The following TBKBP1 variants were observed in gnomAD, a reference collection of about 807,000 sequenced individuals.
TBKBP1 encodes TBK1 binding protein 1.
A neutral mutation model predicts 69.9 loss-of-function variants in TBKBP1; 47 were observed. The observed-to-expected ratio is 0.67, with a 90% confidence interval of 0.53 to 0.86. The LOEUF (loss-of-function observed/expected upper bound fraction) is 0.86, where lower values mean the gene tolerates loss of function less well. Ranked by LOEUF, TBKBP1 falls within the 40% of genes least tolerant of loss-of-function variation. The probability of loss-of-function intolerance (pLI) is 0.00; values close to 1 mark genes in which losing one functional copy is unlikely to be tolerated. For synonymous variants in TBKBP1, 418 were observed against 390.3 expected, an observed-to-expected ratio of 1.07 and a Z score of -0.84; for missense variants, 831 against 858.6, an observed-to-expected ratio of 0.97 and a Z score of 0.40.
intron 7 of TBKBP1, among the ~76,000 whole-genome samples, chr17:47,707,869 C>T (rs144478302): frequency 4.3e-4 from 66 of 152,322 alleles, no homozygotes; most frequent in African/African-American, 1.5e-3. Context: ...GGGTCCCCAA[C>T]CTTTTCAAAG....
At chr17:47,699,181 T>C in intron 5 of TBKBP1, 139 bp from the exon 6 acceptor site, 1 of 947,624 alleles carries the variant, frequency 1.1e-6, no homozygotes, top group Non-Finnish European at 1.4e-6. Context: ...CTCGCTGCCC[T>C]TGTCGCAGTC....
Position 47,708,564 on chromosome 17 carries a change from G to A in TBKBP1, c.991+52G>A, listed in dbSNP as rs2031780835. On this transcript the variant is annotated intron_variant, in intron 8 of 9. Transcript: ENST00000578982. The surrounding 1 kb of genome is among the most constrained non-coding windows in gnomAD (Gnocchi z 4.4). Reference sequence around the variant, plus strand: ...CAGCCGCGGGACCCGGGAAGGAGCGGGTAGCCATGGCAACCATCTTGGTCA... The same window carrying A: ...CAGCCGCGGGACCCGGGAAGGAGCGAGTAGCCATGGCAACCATCTTGGTCA... The A allele has an allele frequency of 6.3e-7, 1 of 1,590,792 alleles. No homozygotes were observed.
rs188825452 is a variant in TBKBP1, at chr17:47,710,710, G to T, written c.*84G>T. The T allele has an allele frequency of 1.8e-4, 273 of 1,525,274 alleles. 3 individuals are homozygous for T. The East Asian group carries it at 5.3e-3, about 30-fold the overall frequency. 94.5% of individuals were successfully genotyped at this position (1,525,274 alleles called of 1,614,324 possible). ...ACTTTGAATGCTGCATGAATCTCGT[G>T]GGGGGTCCCTGCCCTTGCGACCCCC... On this transcript the variant is annotated 3_prime_UTR_variant, in exon 10 of 10. Transcript: ENST00000578982.
At chr17:47,694,127 G>A (rs2031104856), upstream of TBKBP1, 1 of 145,748 alleles carries the variant, frequency 6.9e-6, no homozygotes, top group African/African-American at 2.6e-5. Flanking sequence ...GGGGGCACTG[G>A]TGCCCGTTTG....
rs1432376483 is a variant in TBKBP1, at chr17:47,711,540, G to C, written c.*914G>C. The C allele has an allele frequency of 6.6e-6, 1 of 152,626 alleles. No homozygotes were observed. The highest frequency in any genetic ancestry group is 2.4e-5 in the African/African-American group (1 of 41,440). The allele number at this position is 152,626 out of a possible 1,614,324, so 9.5% of individuals were successfully genotyped here. A position where few individuals can be genotyped will look rare whatever the true frequency, so the allele number is the denominator to read the frequency against. On this transcript the variant is annotated 3_prime_UTR_variant, in exon 10 of 10. Coordinates refer to ENST00000578982, the MANE Select transcript of TBKBP1 (RefSeq NM_001394755.1). ...GGGTGTCATCAGCCCCTGCCTCCCA[G>C]GCCAGAACCTGAGAACGGGCCCAGG... is the stretch of plus-strand genomic sequence containing the variant.
Position 47,699,448 on chromosome 17 carries a change from G to C in TBKBP1, c.763G>C (p.Glu255Gln). ...LREEQLQAEC[E>Q]RLQGELKQLQ... is the part of the protein sequence containing the mutation. The stretch of plus-strand genomic sequence containing the variant: ...GGAGGAGCAGCTCCAGGCCGAGTGC[G>C]AGCGGCTGCAGGGGGAGCTGAAGCA... The change falls in exon 6 of 10, where the codon GAG becomes CAG. Residue 255 changes from glutamate to glutamine, a missense_variant. By Grantham distance (29) the Glu-to-Gln change is conservative. Coordinates refer to ENST00000578982, the MANE Select transcript of TBKBP1 (RefSeq NM_001394755.1). 1 of 1,571,262 alleles carries C rather than the reference G, an allele frequency of 6.4e-7. No individual in the cohort carries two copies. The highest frequency in any genetic ancestry group is 8.6e-7 in the Non-Finnish European group (1 of 1,160,006).
intron 4 of TBKBP1, 49 bp downstream of exon 4, chr17:47,697,242 T>G: frequency 6.8e-7 from 1 of 1,464,072 alleles, no homozygotes; most frequent in African/African-American, 1.4e-5. Context: ...GCTGGTTGTG[T>G]GTGTGCATGT....
rs1283479480 is a variant in TBKBP1 at position 47,708,083 on chromosome 17, G to A, written c.873-311G>A. Among the ~76,000 whole-genome samples the A allele has an allele frequency of 6.6e-6, 1 of 152,174 alleles. No individual in the cohort carries two copies. Among genetic ancestry groups the A allele is most frequent in the African/African-American group, 2.4e-5 (1 of 41,426 alleles). On this transcript the variant is annotated intron_variant, in intron 7 of 9. Transcript: ENST00000578982. This position sits in a 1 kb window ranked among gnomAD's most constrained non-coding sequence, Gnocchi z 4.4. ...CCTGTATGAGCTGTGTTCAGACCACGGACAGTGCCTGATGCAGGGATTCAG... is the reference window on the plus strand; with the variant it reads ...CCTGTATGAGCTGTGTTCAGACCACAGACAGTGCCTGATGCAGGGATTCAG...
Position 47,696,696 on chromosome 17 carries a change from C to G in TBKBP1, c.226-15C>G. ...CCCGGGAATCCACTCTCCTGAAGCT[C>G]CACCCCACCTGCAGTACCCACTGAT... On this transcript the variant is annotated splice_polypyrimidine_tract_variant and intron_variant, in intron 2 of 9. Transcript: ENST00000578982. 1 of 1,613,774 alleles carries G rather than the reference C, an allele frequency of 6.2e-7. No homozygotes were observed. Among genetic ancestry groups the G allele is most frequent in the Non-Finnish European group, 8.5e-7 (1 of 1,179,786 alleles).
Position 47,708,333 on chromosome 17 carries a change from C to G in TBKBP1, c.873-61C>G. 1 of 1,573,352 alleles carries G rather than the reference C, an allele frequency of 6.4e-7. No individual in the cohort carries two copies. Among genetic ancestry groups the G allele is most frequent in the Non-Finnish European group, 8.7e-7 (1 of 1,147,190 alleles). On this transcript the variant is annotated intron_variant, in intron 7 of 9. Transcript: ENST00000578982. The surrounding 1 kb of genome is among the most constrained non-coding windows in gnomAD (Gnocchi z 4.4). ...TGCTGGGGTAGAGCCAGTTCTTCCT[C>G]CACAGCTGGGACGGTAGACCCACTG...
At position 47,708,776 on chromosome 17, in the gene TBKBP1, C is replaced by G. The variant is rs2031791766; in HGVS notation, c.1043C>G (p.Pro348Arg). The G allele has an allele frequency of 8.2e-6, 8 of 977,768 alleles. No homozygotes were observed. Among genetic ancestry groups the G allele is most frequent in the Non-Finnish European group, 1.2e-5 (8 of 668,054 alleles). 60.6% of individuals were successfully genotyped at this position (977,768 alleles called of 1,614,324 possible). A position where few individuals can be genotyped will look rare whatever the true frequency, so the allele number is the denominator to read the frequency against. The change falls in exon 9 of 10, where the codon CCC (proline) becomes CGC (arginine). Residue 348 changes from proline (P) to arginine (R), a missense_variant. Physicochemically the swap from Pro to Arg is moderately radical, Grantham distance 103. Coordinates refer to ENST00000578982, the MANE Select transcript of TBKBP1 (RefSeq NM_001394755.1). The surrounding 1 kb of genome is among the most constrained non-coding windows in gnomAD (Gnocchi z 4.4). ...CGCCACTCCCCGGCCCCCCAGTGCC[C>G]CTCCCCCTCCCCGCCTGCCCGAGCG... ...SQRHSPAPQC[P>R]SPSPPARAAP...
intron 7 of TBKBP1, among the ~76,000 whole-genome samples, chr17:47,707,361 A>C (rs1484186347): frequency 6.6e-6 from 1 of 152,170 alleles, no homozygotes; most frequent in Non-Finnish European, 1.5e-5. Flanking sequence ...GTTCCTTGCC[A>C]AGTCTGTTCC....
chr17:47,696,161 C>CTGGG lies in TBKBP1; in HGVS notation c.50_53dup (p.Pro19GlyfsTer3). The CTGGG allele has an allele frequency of 1.9e-6, 3 of 1,613,614 alleles. No individual in the cohort carries two copies. Among genetic ancestry groups the CTGGG allele is most frequent in the Non-Finnish European group, 2.5e-6 (3 of 1,179,830 alleles). On this transcript the variant is annotated frameshift_variant, in exon 2 of 10. Coordinates refer to ENST00000578982, the MANE Select transcript of TBKBP1 (RefSeq NM_001394755.1). LOFTEE classifies it high-confidence loss of function. ...CATCAGCATCCTGACGCAGGAGGCC[C>CTGGG]TGGGGCCTAGTGAGGTGTGGCTGGA...
At chr17:47,701,354 GACACACAC>G (rs145407261) in intron 7 of TBKBP1, among the ~76,000 whole-genome samples, 1 of 143,950 alleles carries the variant, frequency 6.9e-6, no homozygotes, top group Non-Finnish European at 1.5e-5. Context: ...GACACACACA[GACACACAC>G]ACACACACAC....
chr17:47,699,230 GT>G (rs2031385394), intron 5 of TBKBP1, 89 bp from the exon 6 acceptor site: 2 of 1,347,168 alleles, frequency 1.5e-6, no homozygotes, highest in Non-Finnish European at 9.6e-7. Context: ...CTCTCTTGGA[GT>G]CCCCATGCTG....
rs1280588895 is a variant in TBKBP1, at chr17:47,709,338, G to A, written c.1605G>A (p.Pro535=). ...CTGTGCCCACCAGCCCGCCCAGCCC[G>A]GAGGTGGGCACCATCCGCTGCGCCT... ...EWAVPTSPPS[P]EVGTIRCASF... The change falls in exon 9 of 10, where the codon CCG becomes CCA. Residue 535 remains proline (P), a synonymous_variant. Transcript: ENST00000578982. 9 of 1,526,714 alleles carry A rather than the reference G, an allele frequency of 5.9e-6. No individual in the cohort carries two copies. The highest frequency in any genetic ancestry group is 2.8e-5 in the African/African-American group (2 of 71,416). The allele number at this position is 1,526,714 out of a possible 1,614,324, so 94.6% of individuals were successfully genotyped here.
rs1223117302 is a variant in TBKBP1, at chr17:47,704,554, C to T, written c.873-3840C>T. On this transcript the variant is annotated intron_variant, in intron 7 of 9. Coordinates refer to ENST00000578982, the MANE Select transcript of TBKBP1 (RefSeq NM_001394755.1). ...AGCTTTGAGCAAGGATGGAAGGGCCCTGGAAGGTTGGATTTCTGTTTTCCT... is the reference window on the plus strand; with the variant it reads ...AGCTTTGAGCAAGGATGGAAGGGCCTTGGAAGGTTGGATTTCTGTTTTCCT... Among the ~76,000 whole-genome samples, 2 of 152,208 alleles carry T rather than the reference C, an allele frequency of 1.3e-5. 1 individual carries two copies. Among genetic ancestry groups the T allele is most frequent in the East Asian group, 3.8e-4 (2 of 5,206 alleles).
intron 2 of TBKBP1, 79 bp downstream of exon 2, chr17:47,696,416 A>T: frequency 6.7e-7 from 1 of 1,494,954 alleles, no homozygotes; most frequent in Admixed American, 1.9e-5. Flanking sequence ...GATACCAGGG[A>T]TCCAAAAGAG....
chr17:47,710,771 C>A lies in TBKBP1; in HGVS notation c.*145C>A. The stretch of plus-strand genomic sequence containing the variant: ...ACTTGCTACCGAGTCAACGTGTGTG[C>A]CATCTTCCCTGGTCCAGGCACCACT... On this transcript the variant is annotated 3_prime_UTR_variant, in exon 10 of 10. Transcript: ENST00000578982. 8.2e-7 allele frequency: 1 copy of A among 1,212,948 alleles called. No individual in the cohort carries two copies. Among genetic ancestry groups the A allele is most frequent in the Admixed American group, 2.1e-5 (1 of 48,200 alleles). 75.1% of individuals were successfully genotyped at this position (1,212,948 alleles called of 1,614,324 possible).
Sources: gnomAD v4.1 joint callset for allele counts (sites outside exome capture counted in the v4.1 genomes callset) on GRCh38, gnomAD v4.1.1 for gene constraint, Gnocchi (gnomAD v3.1) non-coding constraint, MANE v1.5 for transcripts, NCBI Gene and HGNC (gene_info 2026-07-23, HGNC 2026-07-21) for gene names.